Variants in APBA1 observed in about 807,000 individuals in gnomAD.
APBA1 encodes the protein amyloid-beta A4 precursor protein-binding family A member 1.
A neutral mutation model predicts 86.6 loss-of-function variants in APBA1; 55 were observed. The observed-to-expected ratio is 0.64, with a 90% CI of 0.51 to 0.80. The LOEUF (loss-of-function observed/expected upper bound fraction) is 0.80. Ranked by LOEUF, APBA1 falls within the 30% of genes least tolerant of loss-of-function variation. The pLI, the probability that APBA1 is intolerant of heterozygous loss-of-function variation, is 0.00. For synonymous variants in APBA1, 511 were observed against 493.9 expected (o/e 1.03, Z -0.46); for missense variants, 1,090 against 1,183.0 (o/e 0.92, Z 1.15).
intron 1 of APBA1, among the ~76,000 whole-genome samples, chr9:69,539,213 T>C (rs7046404): frequency 0.57 from 86,145 of 152,080 alleles, 26,180 homozygotes; most frequent in Non-Finnish European, 0.67. Context: ...AATTCTGAAA[T>C]TTACAATGAC....
intron 1 of APBA1, among the ~76,000 whole-genome samples, chr9:69,606,623 C>A (rs1421679967): frequency 6.6e-6 from 1 of 151,024 alleles, no homozygotes; most frequent in East Asian, 2.0e-4. Context: ...TCCCGAGTAG[C>A]TGGGACTACA....
At chr9:69,603,682 T>C (rs894158106) in intron 1 of APBA1, among the ~76,000 whole-genome samples, 1 of 152,276 alleles carries the variant, frequency 6.6e-6, no homozygotes, top group Non-Finnish European at 1.5e-5. Flanking sequence ...CTTCTTTGTT[T>C]GGCTCTAGTA....
intron 1 of APBA1, among the ~76,000 whole-genome samples, chr9:69,635,805 A>G (rs969241760): frequency 3.9e-5 from 6 of 152,228 alleles, no homozygotes; most frequent in African/African-American, 1.4e-4. Context: ...ACAACTGTAA[A>G]TATATATGCA....
intron 1 of APBA1, among the ~76,000 whole-genome samples, chr9:69,603,464 C>T (rs978541697): frequency 2.6e-5 from 4 of 152,222 alleles, no homozygotes; most frequent in Non-Finnish European, 4.4e-5. Flanking sequence ...TGCTGAAGCT[C>T]AGACAATCAC....
chr9:69,474,001 C>A (rs1835405435), intron 3 of APBA1, among the ~76,000 whole-genome samples: 1 of 152,186 alleles, frequency 6.6e-6, no homozygotes, highest in Non-Finnish European at 1.5e-5. Context: ...AATGCATAAT[C>A]AAATGCTGAA....
chr9:69,446,788 C>T (rs1834916504), intron 10 of APBA1, among the ~76,000 whole-genome samples: 1 of 152,188 alleles, frequency 6.6e-6, no homozygotes, highest in Non-Finnish European at 1.5e-5. Flanking sequence ...CTGCTGTCCC[C>T]CTTGTGGGCT....
chr9:69,469,624 C>A (rs1298378219), intron 4 of APBA1, among the ~76,000 whole-genome samples: 1 of 152,214 alleles, frequency 6.6e-6, no homozygotes, highest in African/African-American at 2.4e-5. Context: ...TCAACAGCCA[C>A]AGGGGCCCGC....
chr9:69,498,585 ACT>A lies in APBA1; in HGVS notation c.1200+17424_1200+17425del, dbSNP rs2133869286. On this transcript the variant is annotated intron_variant, in intron 2 of 12. Coordinates refer to ENST00000265381, the MANE Select transcript of APBA1 (RefSeq NM_001163.4). ...GACAAAGGACTAGCTTAGATTGTACACTCTGCACCAGCAGAGCCTGTCTGTGT... is the reference window on the plus strand; with the variant it reads ...GACAAAGGACTAGCTTAGATTGTACACTGCACCAGCAGAGCCTGTCTGTGT... Among the ~76,000 whole-genome samples the A allele has an allele frequency of 2.0e-5, 3 of 152,060 alleles. No individual in the cohort carries two copies. In the South Asian group the frequency reaches 6.2e-4, roughly 32 times the overall value.
chr9:69,449,661 T>C lies in APBA1; in HGVS notation c.2104A>G (p.Ile702Val). The C allele has an allele frequency of 1.2e-6, 2 of 1,614,100 alleles. No homozygotes were observed. Among genetic ancestry groups the C allele is most frequent in the Non-Finnish European group, 8.5e-7 (1 of 1,180,030 alleles). Residue 702 changes from isoleucine to valine, a missense_variant, in exon 10 of 13, where the codon ATC (isoleucine) becomes GTC (valine). Around this residue, in one of 6 missense-constraint regions of APBA1, gnomAD observed 97 missense variants for 166.8 expected, o/e 0.58. Coordinates refer to ENST00000265381, the MANE Select transcript of APBA1 (RefSeq NM_001163.4). The stretch of plus-strand genomic sequence containing the variant: ...TTAATGGACATGATCTGGTCACCGA[T>C]ATTCAGCTTCCCAGATTTCTCCGCA... Reference protein sequence around the residue: ...GPAEKSGKLNIGDQIMSINGT... With the variant: ...GPAEKSGKLNVGDQIMSINGT...
In APBA1 at chr9:69,521,571, A is replaced by G. The variant is rs139404903; in HGVS notation, c.-69-4292T>C. ...TCAGAGGGAAAAAAGGGCAGACAAT[A>G]ATTATGTAAGTAAGTAAACAAGATA... On this transcript the variant is annotated intron_variant, in intron 1 of 12. Transcript: ENST00000265381. 2.0e-5 allele frequency among the ~76,000 whole-genome samples: 3 copies of G among 152,288 alleles called. No individual in the cohort carries two copies. The East Asian group carries it at 5.8e-4, about 29-fold the overall frequency.
chr9:69,666,770 T>C (rs1320141131), intron 1 of APBA1, among the ~76,000 whole-genome samples: 2 of 152,220 alleles, frequency 1.3e-5, no homozygotes, highest in Admixed American at 6.5e-5. Flanking sequence ...AAAGCTTCAA[T>C]GTATATATCA....
At chr9:69,563,827 T>C (rs1348222388) in intron 1 of APBA1, among the ~76,000 whole-genome samples, 1 of 152,184 alleles carries the variant, frequency 6.6e-6, no homozygotes, top group Non-Finnish European at 1.5e-5. Context: ...AGACTGATTA[T>C]TTCCATAGCA....
At position 69,467,865 on chromosome 9, in the gene APBA1, G is replaced by A. The variant is rs148223423; in HGVS notation, c.1440C>T (p.Asn480=). 1.7e-5 allele frequency: 28 copies of A among 1,614,000 alleles called. No individual in the cohort carries two copies. The highest frequency in any genetic ancestry group is 1.0e-4 in the Admixed American group (6 of 59,996). Residue 480 remains asparagine (N), a synonymous_variant, in exon 5 of 13, where the codon AAC becomes AAT. Transcript: ENST00000265381. ...QLLSDKTPSK[N]VRMMQAQEAV... ...CTTCCTGGGCCTGCATCATGCGCACGTTTTTGGAAGGAGTTTTGTCTGAGA... is the reference window on the plus strand; with the variant it reads ...CTTCCTGGGCCTGCATCATGCGCACATTTTTGGAAGGAGTTTTGTCTGAGA...
chr9:69,537,708 A>G (rs1327535504), intron 1 of APBA1, among the ~76,000 whole-genome samples: 1 of 152,008 alleles, frequency 6.6e-6, no homozygotes, highest in Admixed American at 6.5e-5. Context: ...CTGAAAACCA[A>G]TAAGGTGGCC....
intron 2 of APBA1, among the ~76,000 whole-genome samples, chr9:69,515,452 C>T (rs1024459639): frequency 7.9e-5 from 12 of 152,044 alleles, no homozygotes; most frequent in Non-Finnish European, 1.3e-4. Context: ...TACTTGGCTA[C>T]TCCTCCCTAT....
intron 2 of APBA1, among the ~76,000 whole-genome samples, chr9:69,484,498 A>C (rs1053524562): frequency 1.3e-5 from 2 of 152,102 alleles, no homozygotes; most frequent in African/African-American, 4.8e-5. Context: ...AGCTCATTCG[A>C]GTTTCCTCCT....
chr9:69,543,041 C>T lies in APBA1; in HGVS notation c.-69-25762G>A, dbSNP rs896861273. Among the ~76,000 whole-genome samples the T allele has an allele frequency of 5.3e-5, 8 of 152,216 alleles. No individual in the cohort carries two copies. The South Asian group carries it at 1.2e-3, about 24-fold the overall frequency. ...TGCAGAGTAAGAGTGCAATCAAAATCGCTGCAAACTCCATTTACTGTGCCA... is the reference window on the plus strand; with the variant it reads ...TGCAGAGTAAGAGTGCAATCAAAATTGCTGCAAACTCCATTTACTGTGCCA... On this transcript the variant is annotated intron_variant, in intron 1 of 12. Coordinates refer to ENST00000265381, the MANE Select transcript of APBA1 (RefSeq NM_001163.4).
chr9:69,651,717 C>A (rs1823507038), intron 1 of APBA1, among the ~76,000 whole-genome samples: 1 of 152,192 alleles, frequency 6.6e-6, no homozygotes, highest in Non-Finnish European at 1.5e-5. Context: ...CTCAGGTGAT[C>A]CACCTGCCTG....
chr9:69,527,564 T>G (rs1367484463), intron 1 of APBA1, among the ~76,000 whole-genome samples: 1 of 152,124 alleles, frequency 6.6e-6, no homozygotes, highest in Non-Finnish European at 1.5e-5. Context: ...CACTTAGAGC[T>G]GAAAGGGGTG....
Sources: gnomAD v4.1 joint callset for allele counts (sites outside exome capture counted in the v4.1 genomes callset) on GRCh38, gnomAD v4.1.1 for gene constraint, gnomAD v4.1.1 regional missense constraint, MANE v1.5 for transcripts, NCBI Gene and HGNC (gene_info 2026-07-23, HGNC 2026-07-21) for gene names.